Variants in ZNF665 observed in about 807,000 individuals in gnomAD.
ZNF665 encodes zinc finger protein 665.
ZNF665 carries 6 observed loss-of-function variants against 7.9 expected under a neutral mutation model. The observed-to-expected ratio is 0.76, with a 90% CI of 0.42 to 1.50. ZNF665 has a LOEUF of 1.50. Among genes scored for constraint, ZNF665 ranks in the 40% most tolerant of loss-of-function variants. The probability of loss-of-function intolerance (pLI) is 0.01; values close to 1 mark genes in which losing one functional copy is unlikely to be tolerated. For synonymous variants in ZNF665, 242 were observed against 274.5 expected (o/e 0.88, Z 1.17); for missense variants, 819 against 806.7 (o/e 1.02, Z -0.18).
chr19:53,175,470 C>A lies in ZNF665; in HGVS notation c.117G>T (p.Glu39Asp), dbSNP rs1388815078. 4.3e-6 allele frequency: 7 copies of A among 1,612,208 alleles called. No individual in the cohort carries two copies. Among genetic ancestry groups the A allele is most frequent in the Non-Finnish European group, 5.9e-6 (7 of 1,179,370 alleles). Residue 39 changes from glutamate to aspartate, a missense_variant, in exon 3 of 4, where the codon GAG (glutamate) becomes GAT (aspartate). Physicochemically the swap from Glu to Asp is conservative, Grantham distance 45. Transcript: ENST00000396424. ...CCAGGGAGACCAGGTTCCTATAATT[C>A]TCCAACATGACGTCCCTGTACAAAG... ...QKTLYRDVML[E>D]NYRNLVSLDI...
chr19:53,165,277 T>C lies in ZNF665; in HGVS notation c.1213A>G (p.Asn405Asp), dbSNP rs779589689. 3.7e-6 allele frequency: 6 copies of C among 1,613,304 alleles called. No individual in the cohort carries two copies. The highest frequency in any genetic ancestry group is 3.4e-6 in the Non-Finnish European group (4 of 1,179,514). The change falls in exon 4 of 4, where the codon AAT becomes GAT. Residue 405 changes from asparagine (N) to aspartate (D), a missense_variant. Coordinates refer to ENST00000396424, the MANE Select transcript of ZNF665 (RefSeq NM_024733.5). ...TGAGTGAAAACCTTGACGCATTCAT[T>C]ACATTTGAAAGGCTTTTCTCCGGTA... ...IHTGEKPFKC[N>D]ECVKVFTQYS...
At chr19:53,171,586 G>A (rs8109820) in intron 3 of ZNF665, among the ~76,000 whole-genome samples, 23,289 of 142,582 alleles carry the variant, frequency 0.16, 2,217 homozygotes, top group Middle Eastern at 0.22. Flanking sequence ...CTGGAGTGCA[G>A]TGGCGTGATT....
chr19:53,183,626 G>C (rs977043042), intron 1 of ZNF665, among the ~76,000 whole-genome samples: 1 of 151,724 alleles, frequency 6.6e-6, no homozygotes, highest in African/African-American at 2.4e-5. Context: ...ACAGACAAGA[G>C]GTGAGGGTGG....
At chr19:53,171,009 G>T (rs759393671) in intron 3 of ZNF665, among the ~76,000 whole-genome samples, 2 of 151,906 alleles carry the variant, frequency 1.3e-5, no homozygotes, top group Non-Finnish European at 2.9e-5. Flanking sequence ...TTTTCGAGAC[G>T]GAGTCTTGCT....
At chr19:53,189,666 A>C (rs1297542761) in intron 1 of ZNF665, among the ~76,000 whole-genome samples, 1 of 148,828 alleles carries the variant, frequency 6.7e-6, no homozygotes, top group African/African-American at 2.5e-5. Context: ...ACCGAAGCAC[A>C]GCATCACAGG....
chr19:53,173,388 TTTTTTG>T, intron 3 of ZNF665, among the ~76,000 whole-genome samples: 1 of 144,728 alleles, frequency 6.9e-6, no homozygotes. Flanking sequence ...TTTTTTTTTT[TTTTTTG>T]AGATGGAGTC....
intron 3 of ZNF665, among the ~76,000 whole-genome samples, chr19:53,169,080 G>C (rs1344399632): frequency 6.6e-6 from 1 of 150,762 alleles, no homozygotes; most frequent in Non-Finnish European, 1.5e-5. Context: ...ATCCATAAAA[G>C]AAAAAAAAGA....
chr19:53,175,491 CAA>C lies in ZNF665; in HGVS notation c.94_95del (p.Leu32ValfsTer10), dbSNP rs538663862. ...AATTCTCCAACATGACGTCCCTGTA[CAA>C]AGTCTTCTGAGCAGGGTCCAGGCAT... The part of the protein sequence containing the change: ...WTCLDPAQKT[L>X]YRDVMLENYR... On this transcript the variant is annotated frameshift_variant, in exon 3 of 4. Transcript: ENST00000396424. LOFTEE classifies it low-confidence loss of function (END_TRUNC). 1.9e-6 allele frequency: 3 copies of C among 1,613,062 alleles called. No individual in the cohort carries two copies. Among genetic ancestry groups the C allele is most frequent in the South Asian group, 1.1e-5 (1 of 90,936 alleles).
At chr19:53,177,168 C>T (rs1568661867) in intron 2 of ZNF665, among the ~76,000 whole-genome samples, 1 of 151,862 alleles carries the variant, frequency 6.6e-6, no homozygotes, top group Non-Finnish European at 1.5e-5. Flanking sequence ...CCAGTTTTTC[C>T]CTATATTCTC....
chr19:53,170,757 T>A (rs577177901), intron 3 of ZNF665, among the ~76,000 whole-genome samples: 1 of 152,316 alleles, frequency 6.6e-6, no homozygotes, highest in Admixed American at 6.5e-5. Flanking sequence ...ATAGATATGC[T>A]GATTTAAATC....
rs1313544004 is a variant in ZNF665, at chr19:53,165,663, T to C, written c.827A>G (p.Lys276Arg). ...ATGGATGACCTGATGTGTAGTTAGT[T>C]TTGAATGTGCTCTAAAGGCTTTGCC... ...ECGKAFRAHSKLTTHQVIHTG... is the reference protein window; with the variant it reads ...ECGKAFRAHSRLTTHQVIHTG... Residue 276 changes from lysine to arginine, a missense_variant, in exon 4 of 4, where the codon AAA becomes AGA. Coordinates refer to ENST00000396424, the MANE Select transcript of ZNF665 (RefSeq NM_024733.5). 6.2e-7 allele frequency: 1 copy of C among 1,613,654 alleles called. No individual in the cohort carries two copies. Among genetic ancestry groups the C allele is most frequent in the African/African-American group, 1.3e-5 (1 of 74,774 alleles).
At chr19:53,188,749 G>T (rs1399180237) in intron 1 of ZNF665, among the ~76,000 whole-genome samples, 1 of 151,980 alleles carries the variant, frequency 6.6e-6, no homozygotes, top group African/African-American at 2.4e-5. Flanking sequence ...CCAGGCTGGA[G>T]TGCAGTGGTG....
At chr19:53,192,022 T>C (rs2090821018) in intron 1 of ZNF665, among the ~76,000 whole-genome samples, 1 of 152,064 alleles carries the variant, frequency 6.6e-6, no homozygotes, top group South Asian at 2.1e-4. Flanking sequence ...TCCTTGTTTC[T>C]TTTCTGTGTT....
At position 53,164,686 on chromosome 19, in the gene ZNF665, C is replaced by T. The variant is rs752954470; in HGVS notation, c.1804G>A (p.Glu602Lys). 8.1e-6 allele frequency: 13 copies of T among 1,612,662 alleles called. No individual in the cohort carries two copies. Among genetic ancestry groups the T allele is most frequent in the Admixed American group, 1.7e-5 (1 of 59,952 alleles). The change falls in exon 4 of 4, where the codon GAA (glutamate) becomes AAA (lysine). Residue 602 changes from glutamate to lysine, a missense_variant. Transcript: ENST00000396424. ...TTTTGAGTGAAGACCTTGCCACATT[C>T]ATTACATTTGTAAGGTTTTTCTCCA... ...HTGEKPYKCN[E>K]CGKVFTQNSH...
intron 1 of ZNF665, among the ~76,000 whole-genome samples, chr19:53,185,267 C>G (rs937329733): frequency 6.6e-6 from 1 of 151,908 alleles, no homozygotes; most frequent in East Asian, 1.9e-4. Flanking sequence ...GACCACGGTC[C>G]GCTTGGCAAC....
In ZNF665 at chr19:53,165,498, G is replaced by C; in HGVS notation, c.992C>G (p.Ser331Ter). 3 of 1,613,836 alleles carry C rather than the reference G, an allele frequency of 1.9e-6. No homozygotes were observed. Among genetic ancestry groups the C allele is most frequent in the Non-Finnish European group, 2.5e-6 (3 of 1,179,914 alleles). ...GATTGTCTGATGGGTAGTCAGGCTT[G>C]AGCGAACACTAAAGGCTTTGCCACA... ...NECGKAFSVR[S>*]SLTTHQTIHT... Residue 331 changes from serine to a stop codon, truncating the protein, a stop_gained, in exon 4 of 4, where the codon TCA becomes TGA. Transcript: ENST00000396424. LOFTEE classifies it low-confidence loss of function (END_TRUNC).
chr19:53,165,429 A>C lies in ZNF665; in HGVS notation c.1061T>G (p.Val354Gly). The part of the protein sequence containing the change: ...KPYKCNECGK[V>G]FRHNSYLAKH... ...TGCAAGGTATGAATTGTGCCTGAAG[A>C]CCTTGCCACATTCATTACATTTGTA... Residue 354 changes from valine (V) to glycine (G), a missense_variant, in exon 4 of 4, where the codon GTC becomes GGC. Physicochemically the swap from Val to Gly is moderately radical, Grantham distance 109. Coordinates refer to ENST00000396424, the MANE Select transcript of ZNF665 (RefSeq NM_024733.5). 15 of 1,612,964 alleles carry C rather than the reference A, an allele frequency of 9.3e-6. No individual in the cohort carries two copies. Among genetic ancestry groups the C allele is most frequent in the Non-Finnish European group, 1.3e-5 (15 of 1,179,398 alleles).
chr19:53,177,414 A>G lies in ZNF665; in HGVS notation c.16-1843T>C, dbSNP rs141105460. On this transcript the variant is annotated intron_variant, in intron 2 of 3. Transcript: ENST00000396424. ...GGAGTTCGAGACCAACCTGGCCAAC[A>G]CAGTGAAACGCTGTCTCTACTAAAA... is the stretch of plus-strand genomic sequence containing the variant. Among the ~76,000 whole-genome samples, 4 of 152,122 alleles carry G rather than the reference A, an allele frequency of 2.6e-5. No homozygotes were observed. In the East Asian group the frequency reaches 7.8e-4, roughly 30 times the overall value.
rs767350311 is a variant in ZNF665 at position 53,165,331 on chromosome 19, AATGC to A, written c.1155_1158del (p.Met385IlefsTer4). Reference sequence around the variant, plus strand: ...ATGATCTGATGCTTAGTTAAGTTTGAATGCATACTGAAGGCTTTCCCACACTCAT... The same window carrying A: ...ATGATCTGATGCTTAGTTAAGTTTGAATACTGAAGGCTTTCCCACACTCAT... On this transcript the variant is annotated frameshift_variant, in exon 4 of 4. Transcript: ENST00000396424. LOFTEE classifies it low-confidence loss of function (END_TRUNC). 4.7e-5 allele frequency: 76 copies of A among 1,613,362 alleles called. 1 individual carries two copies. The highest frequency in any genetic ancestry group is 1.8e-4 in the Admixed American group (11 of 59,954).
Sources: allele counts gnomAD v4.1 joint callset (sites outside exome capture counted in the v4.1 genomes callset), GRCh38; gene constraint gnomAD v4.1.1; transcripts MANE v1.5; gene names NCBI Gene and HGNC (gene_info 2026-07-23, HGNC 2026-07-21).